UNC5C: variants seen among roughly 807,000 people sequenced by gnomAD.
The protein encoded by UNC5C is netrin receptor UNC5C.
UNC5C carries 47 observed loss-of-function variants against 99.8 expected under a neutral mutation model. The ratio of observed to expected loss-of-function variants is 0.47; its 90% CI spans 0.37 to 0.60. The LOEUF (loss-of-function observed/expected upper bound fraction) is 0.60. UNC5C is among the 20% of genes least tolerant of loss of function. The pLI, the probability that UNC5C is intolerant of heterozygous loss-of-function variation, is 0.00. For synonymous variants in UNC5C, 487 were observed against 452.2 expected (o/e 1.08, Z -0.98); for missense variants, 1,062 against 1,165.9 (o/e 0.91, Z 1.30).
At chr4:95,418,051 T>G (rs1350730658) in intron 1 of UNC5C, among the ~76,000 whole-genome samples, 1 of 152,176 alleles carries the variant, frequency 6.6e-6, no homozygotes, top group Non-Finnish European at 1.5e-5. Context: ...GACTCCTTCT[T>G]CCATGTGGTG....
chr4:95,178,590 AG>A (rs1293422608), intron 14 of UNC5C, among the ~76,000 whole-genome samples: 9 of 152,254 alleles, frequency 5.9e-5, no homozygotes, highest in Admixed American at 3.9e-4. Flanking sequence ...ATTTGTCCTT[AG>A]TACAGAAAGA....
chr4:95,288,295 G>A (rs1233916624), intron 3 of UNC5C, among the ~76,000 whole-genome samples: 1 of 152,024 alleles, frequency 6.6e-6, no homozygotes, highest in Non-Finnish European at 1.5e-5. Flanking sequence ...GTGCCAGCCA[G>A]GATGGTCTTG....
Position 95,182,992 on chromosome 4 carries a change from A to C in UNC5C, c.2356T>G (p.Phe786Val). The C allele has an allele frequency of 6.2e-7, 1 of 1,613,668 alleles. No homozygotes were observed. ...ACCAGCTCCACTGTGTTCAGGCTAA[A>C]TCTTTCCAGAGTGAAGGTGCAGTGC... The part of the protein sequence containing the change: ...NLHCTFTLER[F>V]SLNTVELVCK... The change falls in exon 14 of 16, where the codon TTT (phenylalanine) becomes GTT (valine). Residue 786 changes from phenylalanine to valine, a missense_variant. Phe to Val is a conservative substitution (Grantham distance 50, BLOSUM62 -1). This residue lies in a region of UNC5C where 810 missense variants were observed against 854.5 expected (regional missense o/e 0.95). Transcript: ENST00000453304.
intron 1 of UNC5C, among the ~76,000 whole-genome samples, chr4:95,440,578 A>G (rs1445304776): frequency 6.6e-6 from 1 of 152,186 alleles, no homozygotes; most frequent in African/African-American, 2.4e-5. Context: ...CTGCATATAT[A>G]GCTAATTTCA....
chr4:95,272,032 G>C (rs1740684495), intron 4 of UNC5C, among the ~76,000 whole-genome samples: 1 of 145,604 alleles, frequency 6.9e-6, no homozygotes, highest in Non-Finnish European at 1.5e-5. Flanking sequence ...CTTACCTTCA[G>C]ATCTCAGCTC....
chr4:95,375,591 T>C (rs1250755807), intron 1 of UNC5C, among the ~76,000 whole-genome samples: 1 of 152,192 alleles, frequency 6.6e-6, no homozygotes, highest in Non-Finnish European at 1.5e-5. Flanking sequence ...TTAACACTCA[T>C]TCTTAATAAA....
chr4:95,531,531 C>T (rs553002271), intron 1 of UNC5C, among the ~76,000 whole-genome samples: 20 of 152,270 alleles, frequency 1.3e-4, no homozygotes, highest in South Asian at 2.1e-4. Context: ...TTTTGGTTAC[C>T]TTAAAAGTGC....
At chr4:95,201,837 C>T (rs1334248279) in intron 12 of UNC5C, among the ~76,000 whole-genome samples, 1 of 152,144 alleles carries the variant, frequency 6.6e-6, no homozygotes, top group Non-Finnish European at 1.5e-5. Context: ...ATCTCCTGAC[C>T]TCGTGATCCA....
intron 12 of UNC5C, among the ~76,000 whole-genome samples, chr4:95,196,754 A>T (rs1456851947): frequency 2.1e-4 from 8 of 38,286 alleles, no homozygotes; most frequent in African/African-American, 6.9e-4. Flanking sequence ...TGTAATATAT[A>T]ATATATATAT....
chr4:95,384,658 G>C (rs1745162016), intron 1 of UNC5C, among the ~76,000 whole-genome samples: 1 of 152,040 alleles, frequency 6.6e-6, no homozygotes, highest in Non-Finnish European at 1.5e-5. Context: ...ATTTTTCAGG[G>C]GGAAAATGAC....
At chr4:95,192,697 T>C (rs1410299270) in intron 12 of UNC5C, among the ~76,000 whole-genome samples, 1 of 150,026 alleles carries the variant, frequency 6.7e-6, no homozygotes, top group Non-Finnish European at 1.5e-5. Context: ...CCTCCTCCCC[T>C]GCTCACTTCC....
intron 12 of UNC5C, among the ~76,000 whole-genome samples, chr4:95,200,629 CTTGA>C (rs929517987): frequency 6.6e-6 from 1 of 152,128 alleles, no homozygotes; most frequent in African/African-American, 2.4e-5. Flanking sequence ...TCTCAGTCAT[CTTGA>C]TTATTTTTAT....
chr4:95,462,813 A>G (rs1194474330), intron 1 of UNC5C, among the ~76,000 whole-genome samples: 2 of 152,160 alleles, frequency 1.3e-5, no homozygotes, highest in Non-Finnish European at 2.9e-5. Flanking sequence ...TAAGTGTACT[A>G]GTATTTGATT....
At chr4:95,308,898 T>C (rs1742164027) in intron 2 of UNC5C, among the ~76,000 whole-genome samples, 1 of 149,138 alleles carries the variant, frequency 6.7e-6, no homozygotes, top group African/African-American at 2.5e-5. Context: ...ATATCAAAAC[T>C]CCAATGACAA....
chr4:95,217,958 G>C (rs1467461301), intron 9 of UNC5C, among the ~76,000 whole-genome samples: 1 of 152,280 alleles, frequency 6.6e-6, no homozygotes, highest in South Asian at 2.1e-4. Context: ...TAAATGTTTT[G>C]ATTTTGTTAA....
In UNC5C at chr4:95,319,436, G is replaced by A. The variant is rs117133472; in HGVS notation, c.346+15974C>T. On this transcript the variant is annotated intron_variant, in intron 2 of 15. Transcript: ENST00000453304. The stretch of plus-strand genomic sequence containing the variant: ...TGATGAAATTAGAAATGAGTCCAAG[G>A]CTCCGTCATCAGAATTGCTTTTCAT... Among the ~76,000 whole-genome samples the A allele has an allele frequency of 1.5e-3, 221 of 152,190 alleles. 3 individuals are homozygous for A. The East Asian group carries it at 0.031, about 22-fold the overall frequency.
chr4:95,203,793 G>A (rs748885832), intron 11 of UNC5C, among the ~76,000 whole-genome samples: 4 of 151,536 alleles, frequency 2.6e-5, no homozygotes, highest in Non-Finnish European at 4.4e-5. Context: ...TATATATTTA[G>A]GATTTCATAT....
At chr4:95,467,780 G>A (rs1438211310) in intron 1 of UNC5C, among the ~76,000 whole-genome samples, 1 of 152,090 alleles carries the variant, frequency 6.6e-6, no homozygotes, top group Non-Finnish European at 1.5e-5. Context: ...GCCTACTGGT[G>A]ACTGGAAGCC....
At chr4:95,273,654 C>A (rs41345751) in intron 4 of UNC5C, among the ~76,000 whole-genome samples, 3,131 of 152,276 alleles carry the variant, frequency 0.021, 76 homozygotes, top group South Asian at 0.071. Context: ...TTGATCCTAA[C>A]AAAAGTGTTA....
Sources: allele counts gnomAD v4.1 joint callset (sites outside exome capture counted in the v4.1 genomes callset), GRCh38; gene constraint gnomAD v4.1.1; regional missense constraint gnomAD v4.1.1; transcripts MANE v1.5; gene names NCBI Gene and HGNC (gene_info 2026-07-23, HGNC 2026-07-21).